The following CACNA1B variants were observed in gnomAD, a reference collection of about 807,000 sequenced individuals.
CACNA1B encodes the protein voltage-dependent N-type calcium channel subunit alpha-1B.
CACNA1B carries 70 observed loss-of-function variants against 247.2 expected under a neutral mutation model. The observed-to-expected ratio is 0.28, with a 90% confidence interval of 0.23 to 0.35. CACNA1B has a LOEUF of 0.35. CACNA1B is among the 10% of genes least tolerant of loss of function. The pLI, the probability that CACNA1B is intolerant of heterozygous loss-of-function variation, is 1.00. For missense variants in CACNA1B, 2,367 were observed against 3,197.4 expected (o/e 0.74, Z 6.26); for synonymous variants, 1,231 against 1,294.4 (o/e 0.95, Z 1.05).
At position 137,914,700 on chromosome 9, in the gene CACNA1B, C is replaced by T. The variant is rs1957392302; in HGVS notation, c.669C>T (p.Leu223=). The change falls in exon 5 of 47, where the codon CTC becomes CTT. Residue 223 remains leucine (L), a synonymous_variant. Transcript: ENST00000371372. The surrounding 1 kb of genome is among the most constrained non-coding windows in gnomAD (Gnocchi z 4.3). The part of the protein sequence containing the change: ...LKSIMKAMVP[L]LQIGLLLFFA... ...CCATCATGAAGGCCATGGTTCCACTCCTGCAGATTGGGCTGCTTCTCTTCT... is the reference window on the plus strand; with the variant it reads ...CCATCATGAAGGCCATGGTTCCACTTCTGCAGATTGGGCTGCTTCTCTTCT... The T allele has an allele frequency of 1.2e-6, 2 of 1,613,898 alleles. No homozygotes were observed. Among genetic ancestry groups the T allele is most frequent in the Non-Finnish European group, 1.7e-6 (2 of 1,179,894 alleles).
chr9:138,043,929 G>A (rs755948247), intron 21 of CACNA1B, 29 bp downstream of exon 21: 1 of 1,607,796 alleles, frequency 6.2e-7, no homozygotes, highest in South Asian at 1.1e-5. Flanking sequence ...TGGTGTGTGT[G>A]GCCGCCCACT....
At chr9:137,959,472 T>G (rs1366731898) in intron 10 of CACNA1B, among the ~76,000 whole-genome samples, 1 of 152,168 alleles carries the variant, frequency 6.6e-6, no homozygotes, top group African/African-American at 2.4e-5. Flanking sequence ...TTTTGTAAAA[T>G]GAATTGAAGA....
intron 3 of CACNA1B, among the ~76,000 whole-genome samples, chr9:137,897,942 T>TTAAAA (rs1957190896): frequency 6.6e-6 from 1 of 152,150 alleles, no homozygotes; most frequent in Non-Finnish European, 1.5e-5. Context: ...TGGCCAACAA[T>TTAAAA]TAAAATAAAA....
chr9:138,078,009 G>A, intron 35 of CACNA1B, 105 bp from the exon 36 acceptor site: 3 of 942,342 alleles, frequency 3.2e-6, no homozygotes, highest in Non-Finnish European at 4.8e-6. Context: ...TGTGTGAGCT[G>A]TCTGTGGGAA....
At position 138,082,749 on chromosome 9, in the gene CACNA1B, T is replaced by A. The variant is rs570893437; in HGVS notation, c.5094+4491T>A. Among the ~76,000 whole-genome samples the A allele has an allele frequency of 2.0e-4, 31 of 151,328 alleles. 2 individuals carry two copies. The highest frequency in any genetic ancestry group is 7.3e-4 in the African/African-American group (30 of 40,992). ...TGAGAGGTAACGTCAGCAAGATGGC[T>A]GACCTTCCACCTAGTGCTTGTCCTT... On this transcript the variant is annotated intron_variant, in intron 36 of 46. Transcript: ENST00000371372.
intron 34 of CACNA1B, among the ~76,000 whole-genome samples, chr9:138,075,088 C>T (rs151289572): frequency 3.9e-5 from 6 of 152,286 alleles, no homozygotes; most frequent in East Asian, 1.9e-4. Context: ...ACAGCAGGGA[C>T]GGAAGAGGGA....
intron 36 of CACNA1B, among the ~76,000 whole-genome samples, chr9:138,079,091 A>G (rs1167988717): frequency 6.6e-6 from 1 of 152,216 alleles, no homozygotes; most frequent in African/African-American, 2.4e-5. Flanking sequence ...AGCTTAGTGC[A>G]GTGACCTGCG....
intron 12 of CACNA1B, among the ~76,000 whole-genome samples, chr9:137,977,789 C>T (rs1027336279): frequency 5.3e-5 from 8 of 152,112 alleles, no homozygotes; most frequent in African/African-American, 1.9e-4. Flanking sequence ...CAAGCCCTCC[C>T]GTAAGGAGCA....
At chr9:137,988,117 T>C (rs1958388375) in intron 15 of CACNA1B, among the ~76,000 whole-genome samples, 1 of 152,222 alleles carries the variant, frequency 6.6e-6, no homozygotes. Context: ...CCAGATGTTT[T>C]TGAGCTCTTA....
rs1960524455 is a variant in CACNA1B at position 138,081,588 on chromosome 9, G to T, written c.5094+3330G>T. ...GGGTGCTGATGGAAGAATAGGGAATGAGGTTGTTCATGACAGCCTGCTGAT... is the reference window on the plus strand; with the variant it reads ...GGGTGCTGATGGAAGAATAGGGAATTAGGTTGTTCATGACAGCCTGCTGAT... On this transcript the variant is annotated intron_variant, in intron 36 of 46. Transcript: ENST00000371372. Among the ~76,000 whole-genome samples, 2 of 147,248 alleles carry T rather than the reference G, an allele frequency of 1.4e-5. 1 individual carries two copies.
intron 21 of CACNA1B, among the ~76,000 whole-genome samples, chr9:138,044,873 G>A (rs546210765): frequency 1.3e-5 from 2 of 152,358 alleles, no homozygotes; most frequent in South Asian, 4.1e-4. Flanking sequence ...TGTCTTGGGA[G>A]CTTACCCTGC....
At chr9:138,092,465 C>T (rs1026566098) in intron 36 of CACNA1B, among the ~76,000 whole-genome samples, 23 of 152,314 alleles carry the variant, frequency 1.5e-4, no homozygotes, top group Admixed American at 1.2e-3. Context: ...TGCAGGCAGT[C>T]GGACCTTATA....
At chr9:137,947,404 TA>T (rs1167131197) in intron 6 of CACNA1B, among the ~76,000 whole-genome samples, 1 of 152,176 alleles carries the variant, frequency 6.6e-6, no homozygotes, top group Non-Finnish European at 1.5e-5. Flanking sequence ...AAATCGGCCT[TA>T]GGGTCCCTGC....
chr9:137,899,506 C>T lies in CACNA1B; in HGVS notation c.531-13674C>T, dbSNP rs563933319. Reference sequence around the variant, plus strand: ...GTGTGTGCTTGGGGTTGGGGTTCCCCGCATGCCATGCCTAGCTCTTCTTCT... The same window carrying T: ...GTGTGTGCTTGGGGTTGGGGTTCCCTGCATGCCATGCCTAGCTCTTCTTCT... On this transcript the variant is annotated intron_variant, in intron 3 of 46. Transcript: ENST00000371372. This position sits in a 1 kb window ranked among gnomAD's most constrained non-coding sequence, Gnocchi z 5.0. 1.4e-4 allele frequency among the ~76,000 whole-genome samples: 21 copies of T among 152,308 alleles called. No individual in the cohort carries two copies. The highest frequency in any genetic ancestry group is 2.8e-4 in the Non-Finnish European group (19 of 68,030).
chr9:138,101,556 G>A (rs897258862), intron 37 of CACNA1B, among the ~76,000 whole-genome samples: 1 of 152,264 alleles, frequency 6.6e-6, no homozygotes, highest in African/African-American at 2.4e-5. Context: ...GAGGGCCCCA[G>A]AGGAAGGGAG....
At chr9:137,992,354 T>G (rs756343431) in intron 15 of CACNA1B, among the ~76,000 whole-genome samples, 1 of 152,194 alleles carries the variant, frequency 6.6e-6, no homozygotes, top group African/African-American at 2.4e-5. Flanking sequence ...GGACATTATA[T>G]AATGATAAAA....
intron 6 of CACNA1B, among the ~76,000 whole-genome samples, chr9:137,944,429 G>C (rs1053962047): frequency 6.6e-6 from 1 of 152,106 alleles, no homozygotes; most frequent in Non-Finnish European, 1.5e-5. Context: ...TTAGCCTGGT[G>C]GTTCATTCCC....
chr9:138,002,564 A>AG (rs1958591318), intron 15 of CACNA1B, among the ~76,000 whole-genome samples: 1 of 147,354 alleles, frequency 6.8e-6, no homozygotes, highest in Non-Finnish European at 1.5e-5. Context: ...AAAAAAAAAA[A>AG]TAGCTGATGG....
chr9:138,108,195 A>G (rs1018316768), intron 39 of CACNA1B, among the ~76,000 whole-genome samples: 2 of 150,506 alleles, frequency 1.3e-5, no homozygotes, highest in Non-Finnish European at 3.0e-5. Context: ...AAATTAGCTG[A>G]ATGTGGTGGT....
Sources: gnomAD v4.1 joint callset for allele counts (sites outside exome capture counted in the v4.1 genomes callset) on GRCh38, gnomAD v4.1.1 for gene constraint, Gnocchi (gnomAD v3.1) non-coding constraint, MANE v1.5 for transcripts, NCBI Gene and HGNC (gene_info 2026-07-23, HGNC 2026-07-21) for gene names.